The following HSPA12A variants were observed in gnomAD, a reference collection of about 807,000 sequenced individuals.
HSPA12A encodes heat shock protein family A (Hsp70) member 12A.
A neutral mutation model predicts 69.2 loss-of-function variants in HSPA12A; 28 were observed. The observed-to-expected ratio is 0.40, with a 90% CI of 0.30 to 0.55. The LOEUF (loss-of-function observed/expected upper bound fraction) is 0.55. Ranked by LOEUF, HSPA12A falls within the 20% of genes least tolerant of loss-of-function variation. HSPA12A has a pLI of 0.38. For synonymous variants in HSPA12A, 345 were observed against 370.5 expected (o/e 0.93, Z 0.79); for missense variants, 686 against 900.7 (o/e 0.76, Z 3.05).
chr10:116,765,362 C>T (rs1554889646), intron 2 of HSPA12A, among the ~76,000 whole-genome samples: 1 of 151,884 alleles, frequency 6.6e-6, no homozygotes, highest in East Asian at 1.9e-4. Context: ...AAACCTGAAA[C>T]ATCATATAGT....
chr10:116,811,208 C>T (rs1845174002), intron 2 of HSPA12A, among the ~76,000 whole-genome samples: 1 of 152,106 alleles, frequency 6.6e-6, no homozygotes, highest in East Asian at 1.9e-4. Flanking sequence ...ATGGCCTCTT[C>T]CAGAAACAGA....
intron 1 of HSPA12A, among the ~76,000 whole-genome samples, chr10:116,844,844 GA>G (rs1484647445): frequency 6.6e-6 from 1 of 152,164 alleles, no homozygotes; most frequent in Non-Finnish European, 1.5e-5. Flanking sequence ...AAAGGTGTTG[GA>G]CAGGATTAGG....
intron 2 of HSPA12A, among the ~76,000 whole-genome samples, chr10:116,776,016 C>T (rs1844328275): frequency 6.6e-6 from 1 of 152,208 alleles, no homozygotes. Flanking sequence ...ACCTGCCATC[C>T]TCTGCGTCCC....
chr10:116,849,779 C>A (rs750093914), upstream of HSPA12A: 31 of 1,465,086 alleles, frequency 2.1e-5, no homozygotes, highest in South Asian at 1.3e-4. Flanking sequence ...CCTCTCCCCC[C>A]GCCCCGCGCT....
At chr10:116,687,489 G>A (rs782382357) in intron 6 of HSPA12A, among the ~76,000 whole-genome samples, 2 of 152,118 alleles carry the variant, frequency 1.3e-5, no homozygotes, top group African/African-American at 2.4e-5. Context: ...AAGAGGCAGC[G>A]GACTCTGCAC....
chr10:116,795,038 TAGAA>T (rs1844787526), intron 2 of HSPA12A, among the ~76,000 whole-genome samples: 2 of 152,120 alleles, frequency 1.3e-5, no homozygotes, highest in Admixed American at 6.5e-5. Flanking sequence ...AAAATAAAAA[TAGAA>T]AGGCTGAAGA....
chr10:116,674,992 T>G lies in HSPA12A; in HGVS notation c.1817A>C (p.Glu606Ala), dbSNP rs781891908. ...AGTGATGAAGCTGACGTTGTCGTGC[T>G]CAGAGCTGTAGATGTTGATGACAAT... ...LVIVINIYSS[E>A]HDNVSFITDP... The change falls in exon 12 of 12, where the codon GAG becomes GCG. Residue 606 changes from glutamate to alanine, a missense_variant. Glu to Ala is a moderately radical substitution (Grantham distance 107, BLOSUM62 -1). Transcript: ENST00000369209. The G allele has an allele frequency of 2.6e-5, 42 of 1,614,016 alleles. No homozygotes were observed. Among genetic ancestry groups the G allele is most frequent in the Non-Finnish European group, 3.5e-5 (41 of 1,180,038 alleles).
At chr10:116,685,973 C>G (rs906114755) in intron 6 of HSPA12A, among the ~76,000 whole-genome samples, 1 of 152,206 alleles carries the variant, frequency 6.6e-6, no homozygotes, top group Non-Finnish European at 1.5e-5. Context: ...GGCCAACCAC[C>G]CGGGCAGCAT....
At chr10:116,750,534 CAGA>C (rs1851751869) in intron 2 of HSPA12A, 1 of 402,946 alleles carries the variant, frequency 2.5e-6, no homozygotes, top group Non-Finnish European at 4.7e-6. Flanking sequence ...CATTTCCTAA[CAGA>C]AGAAGATGAA....
At chr10:116,737,024 C>T (rs1276036514) in intron 1 of HSPA12A, among the ~76,000 whole-genome samples, 3 of 152,210 alleles carry the variant, frequency 2.0e-5, no homozygotes, top group African/African-American at 7.2e-5. Context: ...CGGCTCTACT[C>T]TGAGTGCTTT....
At chr10:116,682,740 T>C (rs544820316) in intron 7 of HSPA12A, among the ~76,000 whole-genome samples, 1 of 152,004 alleles carries the variant, frequency 6.6e-6, no homozygotes, top group South Asian at 2.1e-4. Context: ...TCGCTCTGTC[T>C]CCCAGGCTGG....
chr10:116,832,910 T>A (rs1008209375), intron 2 of HSPA12A: 1 of 152,178 alleles, frequency 6.6e-6, no homozygotes, highest in Non-Finnish European at 1.5e-5. Context: ...TCTGTTTTGC[T>A]GGCCCCCATT....
upstream of HSPA12A, among the ~76,000 whole-genome samples, chr10:116,746,394 G>A (rs1851650072): frequency 6.6e-6 from 1 of 152,212 alleles, no homozygotes. Flanking sequence ...AGAAACTGAG[G>A]ATAATTGTTG....
In HSPA12A at chr10:116,727,752, G is replaced by GTTA. The variant is rs1554885211; in HGVS notation, c.40+14677_40+14678insTAA. 2.3e-5 allele frequency among the ~76,000 whole-genome samples: 3 copies of GTTA among 131,382 alleles called. No homozygotes were observed. In the Admixed American group the frequency reaches 2.4e-4, roughly 11 times the overall value. The allele number at this position is 131,382 out of a possible 152,430, so 86.2% of individuals were successfully genotyped here. On this transcript the variant is annotated intron_variant, in intron 1 of 11. Transcript: ENST00000369209. ...TCCAAGGGTAGGCTAATGTAAGTGG[G>GTTA]TTTTTTTTTTTTTTTTGGTTTTTTG...
At chr10:116,758,452 G>T (rs953626688) in intron 2 of HSPA12A, among the ~76,000 whole-genome samples, 3 of 152,180 alleles carry the variant, frequency 2.0e-5, no homozygotes, top group African/African-American at 7.2e-5. Context: ...CACCCGGCCA[G>T]GAGGTGGCAT....
chr10:116,800,400 G>A (rs1283656194), intron 2 of HSPA12A, among the ~76,000 whole-genome samples: 3 of 152,148 alleles, frequency 2.0e-5, no homozygotes, highest in Admixed American at 6.5e-5. Flanking sequence ...CCATGAAAGG[G>A]TTAGACTGGG....
intron 2 of HSPA12A, among the ~76,000 whole-genome samples, chr10:116,781,597 A>G (rs1235022119): frequency 6.6e-6 from 1 of 152,172 alleles, no homozygotes; most frequent in Non-Finnish European, 1.5e-5. Flanking sequence ...TCGGTTTCTC[A>G]GGAAGCCTTT....
At chr10:116,826,870 T>C (rs1589728322) in intron 2 of HSPA12A, among the ~76,000 whole-genome samples, 1 of 152,210 alleles carries the variant, frequency 6.6e-6, no homozygotes, top group Non-Finnish European at 1.5e-5. Context: ...ACACTTGACA[T>C]GCATTTGATT....
chr10:116,695,842 A>C (rs1215192404), intron 5 of HSPA12A, among the ~76,000 whole-genome samples: 3 of 34,910 alleles, frequency 8.6e-5, no homozygotes, highest in Non-Finnish European at 1.7e-4. Context: ...AAGAAAAAAG[A>C]AAAAACAAAA....
Sources: gnomAD v4.1 joint callset for allele counts (sites outside exome capture counted in the v4.1 genomes callset) on GRCh38, gnomAD v4.1.1 for gene constraint, MANE v1.5 for transcripts, NCBI Gene and HGNC (gene_info 2026-07-23, HGNC 2026-07-21) for gene names.